YIPF3: variants seen among roughly 807,000 people sequenced by gnomAD.
The protein encoded by YIPF3 is Yip1 domain family member 3.
YIPF3 carries 18 observed loss-of-function variants against 40.3 expected under a neutral mutation model. The observed-to-expected ratio is 0.45, with a 90% CI of 0.31 to 0.66. YIPF3 has a LOEUF of 0.66. Ranked by LOEUF, YIPF3 falls within the 30% of genes least tolerant of loss-of-function variation. YIPF3 has a pLI of 0.07. For synonymous variants in YIPF3, 190 were observed against 179.6 expected, an observed-to-expected ratio of 1.06 and a Z score of -0.46; for missense variants, 406 against 452.2, an observed-to-expected ratio of 0.90 and a Z score of 0.93.
At chr6:43,515,752 C>G in intron 2 of YIPF3, 51 bp from the exon 3 acceptor site, 1 of 1,608,552 alleles carries the variant, frequency 6.2e-7, no homozygotes, top group Non-Finnish European at 8.5e-7. Flanking sequence ...GGTTCTAGAT[C>G]CTGTTGCCTA....
At chr6:43,512,630 CA>C in intron 7 of YIPF3, 67 bp from the exon 8 acceptor site, 1 of 1,550,846 alleles carries the variant, frequency 6.4e-7, no homozygotes, top group South Asian at 1.2e-5. Flanking sequence ...AAGACACCCC[CA>C]CCCAGGGCAG....
chr6:43,515,606 C>T lies in YIPF3; in HGVS notation c.384G>A (p.Gln128=). The change falls in exon 3 of 9, where the codon CAG becomes CAA. Residue 128 remains glutamine (Q), a synonymous_variant. Transcript: ENST00000372422. The part of the protein sequence containing the change: ...LRPYFDVEPA[Q]VRSRLLESMI... ...AGAAGGCTCCTCACCTGCTTCGCAC[C>T]TGAGCAGGCTCCACATCAAAGTAGG... is the stretch of plus-strand genomic sequence containing the variant. The T allele has an allele frequency of 6.2e-7, 1 of 1,613,402 alleles. No homozygotes were observed. Among genetic ancestry groups the T allele is most frequent in the Non-Finnish European group, 8.5e-7 (1 of 1,179,998 alleles).
Position 43,512,350 on chromosome 6 carries a change from TG to T in YIPF3, c.905-36del, listed in dbSNP as rs565725037. 481 of 1,612,868 alleles carry T rather than the reference TG, an allele frequency of 3.0e-4. No individual in the cohort carries two copies. In the African/African-American group the frequency reaches 5.4e-3, roughly 18 times the overall value. ...AGATGGAAGGTGAGCGAGGATCAGA[TG>T]GGCCCAGCCCACCAGCCATCATATC... On this transcript the variant is annotated intron_variant, in intron 8 of 8. Transcript: ENST00000372422.
chr6:43,514,010 G>A (rs908877474), intron 3 of YIPF3, among the ~76,000 whole-genome samples: 2 of 152,216 alleles, frequency 1.3e-5, no homozygotes, highest in African/African-American at 2.4e-5. Flanking sequence ...GGGAGGCCGA[G>A]GCAGGCAGAT....
Position 43,512,092 on chromosome 6 carries a change from C to T in YIPF3, c.*75G>A. On this transcript the variant is annotated 3_prime_UTR_variant, in exon 9 of 9. Transcript: ENST00000372422. ...AAACCCCATCTACGAAACATGTCAT[C>T]AGGACTGTCCTTTAATAGTCTTCCT... 4 of 1,597,826 alleles carry T rather than the reference C, an allele frequency of 2.5e-6. No individual in the cohort carries two copies. Among genetic ancestry groups the T allele is most frequent in the South Asian group, 1.1e-5 (1 of 88,196 alleles).
chr6:43,513,999 T>C (rs1267699812), intron 3 of YIPF3, among the ~76,000 whole-genome samples: 1 of 152,092 alleles, frequency 6.6e-6, no homozygotes, highest in African/African-American at 2.4e-5. Context: ...CCCAGCACTT[T>C]GGGAGGCCGA....
chr6:43,516,063 G>A lies in YIPF3; in HGVS notation c.114C>T (p.Asn38=), dbSNP rs1792817132. The A allele has an allele frequency of 2.5e-6, 4 of 1,614,128 alleles. No homozygotes were observed. The highest frequency in any genetic ancestry group is 3.4e-6 in the Non-Finnish European group (4 of 1,180,052). The part of the protein sequence containing the change: ...GGGSAVIDME[N]MDDTSGSSFE... Reference sequence around the variant, plus strand: ...AGCTAGAGCCTGAGGTATCATCCATGTTCTCCATGTCAATCACAGCTGAGC... The same window carrying A: ...AGCTAGAGCCTGAGGTATCATCCATATTCTCCATGTCAATCACAGCTGAGC... Residue 38 remains asparagine, a synonymous_variant, in exon 2 of 9, where the codon AAC becomes AAT. Transcript: ENST00000372422.
Position 43,516,914 on chromosome 6 carries a change from T to G in YIPF3, c.-107A>C. 7.5e-7 allele frequency: 1 copy of G among 1,340,180 alleles called. No homozygotes were observed. The highest frequency in any genetic ancestry group is 1.0e-6 in the Non-Finnish European group (1 of 958,030). 83.0% of individuals were successfully genotyped at this position (1,340,180 alleles called of 1,614,324 possible). ...CGTCCAGGGTCGAGGAGAGGTGGGA[T>G]CGGCCGGAACACAAAAAGGAGAAGC... On this transcript the variant is annotated 5_prime_UTR_variant, in exon 1 of 9. Transcript: ENST00000372422.
In YIPF3 at chr6:43,512,420, C is replaced by G; in HGVS notation, c.904+20G>C. ...AGCTGCTTTCCCATTCTCCCCCACC[C>G]AGACCTTCCTGCCACTTACCCTCTA... On this transcript the variant is annotated intron_variant, in intron 8 of 8. Coordinates refer to ENST00000372422, the MANE Select transcript of YIPF3 (RefSeq NM_015388.4). The G allele has an allele frequency of 1.2e-6, 2 of 1,614,234 alleles. No homozygotes were observed. The highest frequency in any genetic ancestry group is 1.7e-6 in the Non-Finnish European group (2 of 1,180,036).
chr6:43,513,012 C>T, intron 6 of YIPF3, 57 bp downstream of exon 6: 2 of 1,606,640 alleles, frequency 1.2e-6, no homozygotes, highest in Non-Finnish European at 1.7e-6. Context: ...CAGATGCCGA[C>T]CAAGGCCTGG....
chr6:43,512,122 T>C lies in YIPF3; in HGVS notation c.*45A>G, dbSNP rs1368738504. The C allele has an allele frequency of 1.9e-6, 3 of 1,612,662 alleles. No homozygotes were observed. The highest frequency in any genetic ancestry group is 2.5e-6 in the Non-Finnish European group (3 of 1,179,300). ...CTGTCCTTTAATAGTCTTCCTCCTC[T>C]CTGCAGCTGCGGGAAAGAGGACTGG... On this transcript the variant is annotated 3_prime_UTR_variant, in exon 9 of 9. Transcript: ENST00000372422.
In YIPF3 at chr6:43,516,079, A is replaced by G. The variant is rs1331178376; in HGVS notation, c.98T>C (p.Val33Ala). 6.2e-7 allele frequency: 1 copy of G among 1,614,212 alleles called. No individual in the cohort carries two copies. The highest frequency in any genetic ancestry group is 2.2e-5 in the East Asian group (1 of 44,880). ...EENIQGGGSAVIDMENMDDTS... is the reference protein window; with the variant it reads ...EENIQGGGSAAIDMENMDDTS... Reference sequence around the variant, plus strand: ...ATCATCCATGTTCTCCATGTCAATCACAGCTGAGCCTCCGCCCTGTGAAGA... The same window carrying G: ...ATCATCCATGTTCTCCATGTCAATCGCAGCTGAGCCTCCGCCCTGTGAAGA... The change falls in exon 2 of 9, where the codon GTG becomes GCG. Residue 33 changes from valine to alanine, a missense_variant. By Grantham distance (64) the Val-to-Ala change is moderately conservative. Coordinates refer to ENST00000372422, the MANE Select transcript of YIPF3 (RefSeq NM_015388.4).
chr6:43,516,646 G>A, intron 1 of YIPF3, 81 bp downstream of exon 1: 1 of 1,516,218 alleles, frequency 6.6e-7, no homozygotes, highest in East Asian at 2.3e-5. Flanking sequence ...GGACTTCCAG[G>A]CCCAGAGGGG....
Position 43,512,763 on chromosome 6 carries a change from T to G in YIPF3, c.778A>C (p.Met260Leu). The G allele has an allele frequency of 6.2e-7, 1 of 1,612,874 alleles. No homozygotes were observed. The highest frequency in any genetic ancestry group is 8.5e-7 in the Non-Finnish European group (1 of 1,179,628). Reference sequence around the variant, plus strand: ...TGGAAGCCTCTTGCCCAGCTTACCATGCGCAGTGTGGACAGTCCACCCACC... The same window carrying G: ...TGGAAGCCTCTTGCCCAGCTTACCAGGCGCAGTGTGGACAGTCCACCCACC... ...LLVGGLSTLR[M>L]VAVLVSRTVG... is the part of the protein sequence containing the mutation. The change falls in exon 7 of 9, where the codon ATG (methionine) becomes CTG (leucine). Residue 260 changes from methionine (M) to leucine (L), a missense_variant and splice_region_variant. Physicochemically the swap from Met to Leu is conservative, Grantham distance 15. Transcript: ENST00000372422.
At chr6:43,512,605 G>C (rs376649206) in intron 7 of YIPF3, 42 bp from the exon 8 acceptor site, 21 of 1,581,234 alleles carry the variant, frequency 1.3e-5, no homozygotes, top group Non-Finnish European at 1.8e-5. Context: ...TGGCTCCAAA[G>C]TGAGGAGTGG....
At chr6:43,513,717 C>T in intron 3 of YIPF3, 84 bp from the exon 4 acceptor site, 1 of 1,381,400 alleles carries the variant, frequency 7.2e-7, no homozygotes, top group Non-Finnish European at 9.8e-7. Context: ...TTATTCATCT[C>T]TAACTCCAGG....
At chr6:43,514,749 A>G (rs2127683813) in intron 3 of YIPF3, among the ~76,000 whole-genome samples, 1 of 152,334 alleles carries the variant, frequency 6.6e-6, no homozygotes, top group South Asian at 2.1e-4. Context: ...GGTCCTGGGT[A>G]TTTGATTAGC....
At position 43,516,891 on chromosome 6, in the gene YIPF3, TC is replaced by T; in HGVS notation, c.-85del. 3 of 1,462,610 alleles carry T rather than the reference TC, an allele frequency of 2.1e-6. No individual in the cohort carries two copies. Among genetic ancestry groups the T allele is most frequent in the Non-Finnish European group, 2.8e-6 (3 of 1,067,232 alleles). The allele number at this position is 1,462,610 out of a possible 1,614,324, so 90.6% of individuals were successfully genotyped here. A position where few individuals can be genotyped will look rare whatever the true frequency, so the allele number is the denominator to read the frequency against. On this transcript the variant is annotated 5_prime_UTR_variant, in exon 1 of 9. Transcript: ENST00000372422. ...GATGTGGGCCTCCGGAAGGTAGACG[TC>T]CAGGGTCGAGGAGAGGTGGGATCGG... is the stretch of plus-strand genomic sequence containing the variant.
intron 7 of YIPF3, 88 bp from the exon 8 acceptor site, chr6:43,512,651 T>A (rs1016543283): frequency 1.3e-6 from 2 of 1,541,872 alleles, no homozygotes; most frequent in African/African-American, 2.7e-5. Context: ...GAACCATCTT[T>A]GGGCTCTTCC....
Sources: allele counts gnomAD v4.1 joint callset (sites outside exome capture counted in the v4.1 genomes callset), GRCh38; gene constraint gnomAD v4.1.1; transcripts MANE v1.5; gene names NCBI Gene and HGNC (gene_info 2026-07-23, HGNC 2026-07-21).